SLITRK1: variants seen among roughly 807,000 people sequenced by gnomAD.
The protein encoded by SLITRK1 is SLIT and NTRK like family member 1.
Under a neutral mutation model 42.4 loss-of-function variants are expected in SLITRK1, and 10 were observed. The observed-to-expected ratio is 0.24, with a 90% CI of 0.15 to 0.40. The LOEUF is 0.40. SLITRK1 is among the 10% of genes least tolerant of loss of function. SLITRK1 has a pLI of 1.00. For synonymous variants in SLITRK1, 389 were observed against 365.7 expected (o/e 1.06, Z -0.73); for missense variants, 778 against 848.8 (o/e 0.92, Z 1.04).
rs980172227 is a variant in SLITRK1, at chr13:83,879,135, C to T, written c.*282G>A. On this transcript the variant is annotated 3_prime_UTR_variant, in exon 2 of 2. Coordinates refer to ENST00000674365, the MANE Select transcript of SLITRK1 (RefSeq NM_001281503.2). ...GAGGGCGAGGGCACTGTCAGTTCTT[C>T]CAGCAGGGTCGTGCTGGGCTTTCTG... 63 of 466,360 alleles carry T rather than the reference C, an allele frequency of 1.4e-4. No individual in the cohort carries two copies. Among genetic ancestry groups the T allele is most frequent in the African/African-American group, 1.1e-3 (57 of 50,928 alleles). 28.9% of individuals were successfully genotyped at this position (466,360 alleles called of 1,614,324 possible).
Position 83,880,853 on chromosome 13 carries a change from C to T in SLITRK1, c.655G>A (p.Asp219Asn). Reference sequence around the variant, plus strand: ...AGCCATTCTTTCAGGGAGAGCAGATCACAGGTGCAGTCCCAAGGGTTATCC... The same window carrying T: ...AGCCATTCTTTCAGGGAGAGCAGATTACAGGTGCAGTCCCAAGGGTTATCC... The part of the protein sequence containing the change: ...LEDNPWDCTC[D>N]LLSLKEWLEN... The change falls in exon 2 of 2, where the codon GAT (aspartate) becomes AAT (asparagine). Residue 219 changes from aspartate to asparagine, a missense_variant. By Grantham distance (23) the Asp-to-Asn change is conservative. Coordinates refer to ENST00000674365, the MANE Select transcript of SLITRK1 (RefSeq NM_001281503.2). 6.2e-7 allele frequency: 1 copy of T among 1,614,136 alleles called. No homozygotes were observed. Among genetic ancestry groups the T allele is most frequent in the Non-Finnish European group, 8.5e-7 (1 of 1,180,034 alleles).
chr13:83,881,117 C>A lies in SLITRK1; in HGVS notation c.391G>T (p.Asp131Tyr). 1 of 1,614,098 alleles carries A rather than the reference C, an allele frequency of 6.2e-7. No individual in the cohort carries two copies. The highest frequency in any genetic ancestry group is 8.5e-7 in the Non-Finnish European group (1 of 1,180,036). Residue 131 changes from aspartate to tyrosine, a missense_variant, in exon 2 of 2, where the codon GAT (aspartate) becomes TAT (tyrosine). Asp to Tyr is a radical substitution (Grantham distance 160). Coordinates refer to ENST00000674365, the MANE Select transcript of SLITRK1 (RefSeq NM_001281503.2). ...FRKQTFLGLD[D>Y]LEYLQADFNL... is the part of the protein sequence containing the mutation. ...AAATCAGCCTGGAGATATTCCAGATCGTCCAGCCCCAGAAAAGTCTGCTTT... is the reference window on the plus strand; with the variant it reads ...AAATCAGCCTGGAGATATTCCAGATAGTCCAGCCCCAGAAAAGTCTGCTTT...
In SLITRK1 at chr13:83,880,536, C is replaced by A. The variant is rs1467266519; in HGVS notation, c.972G>T (p.Ala324=). ...NWQIKIRPTA[A]IATGSSRNKP... is the part of the protein sequence containing the mutation. Reference sequence around the variant, plus strand: ...TGTTCCTGGAGCTACCCGTCGCTATCGCTGCTGTGGGTCTGATTTTGATCT... The same window carrying A: ...TGTTCCTGGAGCTACCCGTCGCTATAGCTGCTGTGGGTCTGATTTTGATCT... The change falls in exon 2 of 2, where the codon GCG becomes GCT. Residue 324 remains alanine, a synonymous_variant. Coordinates refer to ENST00000674365, the MANE Select transcript of SLITRK1 (RefSeq NM_001281503.2). 6.2e-7 allele frequency: 1 copy of A among 1,614,116 alleles called. No individual in the cohort carries two copies. The highest frequency in any genetic ancestry group is 1.1e-5 in the South Asian group (1 of 91,086).
At position 83,881,344 on chromosome 13, in the gene SLITRK1, G is replaced by C; in HGVS notation, c.164C>G (p.Ala55Gly). ...KGFTSLQRFT[A>G]PTSQFYHLFL... Reference sequence around the variant, plus strand: ...TAAATGGTAAAACTGGGAAGTCGGGGCAGTGAAACGCTGCAGACTTGTGAA... The same window carrying C: ...TAAATGGTAAAACTGGGAAGTCGGGCCAGTGAAACGCTGCAGACTTGTGAA... The change falls in exon 2 of 2, where the codon GCC becomes GGC. Residue 55 changes from alanine (A) to glycine (G), a missense_variant. Physicochemically the swap from Ala to Gly is moderately conservative, Grantham distance 60 (BLOSUM62 0). This residue lies in a region of SLITRK1 where 204 missense variants were observed against 295.3 expected (regional missense o/e 0.69). Coordinates refer to ENST00000674365, the MANE Select transcript of SLITRK1 (RefSeq NM_001281503.2). The C allele has an allele frequency of 6.2e-7, 1 of 1,614,158 alleles. No individual in the cohort carries two copies. Among genetic ancestry groups the C allele is most frequent in the African/African-American group, 1.3e-5 (1 of 75,026 alleles).
In SLITRK1 at chr13:83,881,439, A is replaced by G. The variant is rs536419290; in HGVS notation, c.69T>C (p.Val23=). 1.9e-6 allele frequency: 3 copies of G among 1,614,032 alleles called. No individual in the cohort carries two copies. The South Asian group carries it at 3.3e-5, about 18-fold the overall frequency. The change falls in exon 2 of 2, where the codon GTT becomes GTC. Residue 23 remains valine, a synonymous_variant. Coordinates refer to ENST00000674365, the MANE Select transcript of SLITRK1 (RefSeq NM_001281503.2). ...CFAAGNVTGD[V]CKEKICSCNE... ...TGCAGGAACAGATCTTCTCTTTGCAAACGTCCCCTGTAACGTTTCCAGCGG... is the reference window on the plus strand; with the variant it reads ...TGCAGGAACAGATCTTCTCTTTGCAGACGTCCCCTGTAACGTTTCCAGCGG...
At position 83,879,692 on chromosome 13, in the gene SLITRK1, A is replaced by G. The variant is rs1594117459; in HGVS notation, c.1816T>C (p.Ser606Pro). ...STGLAETGTH[S>P]NSYLDTSRVS... Reference sequence around the variant, plus strand: ...CTGCTGGTGTCTAGGTAGGAGTTGGAGTGCGTCCCGGTCTCCGCCAACCCA... The same window carrying G: ...CTGCTGGTGTCTAGGTAGGAGTTGGGGTGCGTCCCGGTCTCCGCCAACCCA... The change falls in exon 2 of 2, where the codon TCC (serine) becomes CCC (proline). Residue 606 changes from serine (S) to proline (P), a missense_variant. Physicochemically the swap from Ser to Pro is moderately conservative, Grantham distance 74. Coordinates refer to ENST00000674365, the MANE Select transcript of SLITRK1 (RefSeq NM_001281503.2). 9.9e-6 allele frequency: 16 copies of G among 1,613,898 alleles called. 1 individual carries two copies. The highest frequency in any genetic ancestry group is 2.2e-5 in the South Asian group (2 of 91,048).
Position 83,881,186 on chromosome 13 carries a change from C to T in SLITRK1, c.322G>A (p.Val108Met). Residue 108 changes from valine to methionine, a missense_variant, in exon 2 of 2, where the codon GTG becomes ATG. By Grantham distance (21) the Val-to-Met change is conservative (BLOSUM62 1). Transcript: ENST00000674365. ...VPGAFLGLQLVKRLHINNNKI... is the reference protein window; with the variant it reads ...VPGAFLGLQLMKRLHINNNKI... ...TTGTTGTTGATGTGCAGCCTTTTCA[C>T]CAGCTGCAGCCCCAGAAAAGCCCCC... 1.2e-6 allele frequency: 2 copies of T among 1,614,050 alleles called. No homozygotes were observed. Among genetic ancestry groups the T allele is most frequent in the Non-Finnish European group, 1.7e-6 (2 of 1,180,006 alleles).
Position 83,879,536 on chromosome 13 carries a change from C to T in SLITRK1, c.1972G>A (p.Ala658Thr), listed in dbSNP as rs1454656332. The change falls in exon 2 of 2, where the codon GCG (alanine) becomes ACG (threonine). Residue 658 changes from alanine to threonine, a missense_variant. Physicochemically the swap from Ala to Thr is moderately conservative, Grantham distance 58. This residue lies in a region of SLITRK1 where 164 missense variants were observed against 158.2 expected (regional missense o/e 1.04). Transcript: ENST00000674365. Reference sequence around the variant, plus strand: ...GTCTGTAGGGAATTAATCTCGGACGCGGAGGAGTTGGCATCTCGTCTCTTG... The same window carrying T: ...GTCTGTAGGGAATTAATCTCGGACGTGGAGGAGTTGGCATCTCGTCTCTTG... ...RSKRRDANSSASEINSLQTVC... is the reference protein window; with the variant it reads ...RSKRRDANSSTSEINSLQTVC... The T allele has an allele frequency of 1.9e-6, 3 of 1,613,928 alleles. No homozygotes were observed. Among genetic ancestry groups the T allele is most frequent in the African/African-American group, 1.3e-5 (1 of 74,906 alleles).
rs1349063301 is a variant in SLITRK1, at chr13:83,880,270, G to A, written c.1238C>T (p.Thr413Ile). Residue 413 changes from threonine to isoleucine, a missense_variant, in exon 2 of 2, where the codon ACT (threonine) becomes ATT (isoleucine). Coordinates refer to ENST00000674365, the MANE Select transcript of SLITRK1 (RefSeq NM_001281503.2). Reference protein sequence around the residue: ...LLDLGNNNIATVENNTFKNLL... With the variant: ...LLDLGNNNIAIVENNTFKNLL... ...GTTCTTGAAAGTGTTGTTCTCTACA[G>A]TAGCGATGTTATTGTTGCCCAGATC... 1.2e-6 allele frequency: 2 copies of A among 1,613,958 alleles called. No homozygotes were observed. The highest frequency in any genetic ancestry group is 1.3e-5 in the African/African-American group (1 of 74,888).
Position 83,878,303 on chromosome 13 carries a change from T to C in SLITRK1, c.*1114A>G, listed in dbSNP as rs180730354. ...CCATTATAAAATCCTCGAATAGAAT[T>C]AGTAAGTTTCACGTGCTTCCTCGGT... On this transcript the variant is annotated 3_prime_UTR_variant, in exon 2 of 2. Coordinates refer to ENST00000674365, the MANE Select transcript of SLITRK1 (RefSeq NM_001281503.2). 1.3e-5 allele frequency: 2 copies of C among 152,658 alleles called. 1 individual carries two copies. The highest frequency in any genetic ancestry group is 3.9e-4 in the East Asian group (2 of 5,160). 9.5% of individuals were successfully genotyped at this position (152,658 alleles called of 1,614,324 possible).
chr13:83,880,030 C>A lies in SLITRK1; in HGVS notation c.1478G>T (p.Gly493Val), dbSNP rs777400552. 1 of 1,613,950 alleles carries A rather than the reference C, an allele frequency of 6.2e-7. No homozygotes were observed. Among genetic ancestry groups the A allele is most frequent in the Admixed American group, 1.7e-5 (1 of 59,992 alleles). Residue 493 changes from glycine to valine, a missense_variant, in exon 2 of 2, where the codon GGG (glycine) becomes GTG (valine). Around this residue, in one of 4 missense-constraint regions of SLITRK1, gnomAD observed 395 missense variants for 360.4 expected, o/e 1.10. Coordinates refer to ENST00000674365, the MANE Select transcript of SLITRK1 (RefSeq NM_001281503.2). ...LRSLPVDVFAGVSLSKLSLHN... is the reference protein window; with the variant it reads ...LRSLPVDVFAVVSLSKLSLHN... ...CAGGCTGAGTTTAGAGAGCGAGACC[C>A]CAGCGAACACGTCCACAGGCAGGGA...
In SLITRK1 at chr13:83,879,554, G is replaced by C. The variant is rs774882620; in HGVS notation, c.1954C>G (p.Arg652Gly). The change falls in exon 2 of 2, where the codon CGA becomes GGA. Residue 652 changes from arginine (R) to glycine (G), a missense_variant. Around this residue, in one of 4 missense-constraint regions of SLITRK1, gnomAD observed 164 missense variants for 158.2 expected, o/e 1.04. Coordinates refer to ENST00000674365, the MANE Select transcript of SLITRK1 (RefSeq NM_001281503.2). ...TCGGACGCGGAGGAGTTGGCATCTC[G>C]TCTCTTGGACCGCTTTCGGTTCCTC... ...ILRNRKRSKRRDANSSASEIN... is the reference protein window; with the variant it reads ...ILRNRKRSKRGDANSSASEIN... 1.6e-5 allele frequency: 26 copies of C among 1,613,930 alleles called. No individual in the cohort carries two copies. Among genetic ancestry groups the C allele is most frequent in the African/African-American group, 5.3e-5 (4 of 74,884 alleles).
At position 83,879,449 on chromosome 13, in the gene SLITRK1, A is replaced by G. The variant is rs756572460; in HGVS notation, c.2059T>C (p.Tyr687His). The G allele has an allele frequency of 5.0e-6, 8 of 1,613,676 alleles. No homozygotes were observed. Among genetic ancestry groups the G allele is most frequent in the African/African-American group, 1.3e-5 (1 of 75,012 alleles). ...PYNADGAHRV[Y>H]DCGSHSLSD is the part of the protein sequence containing the mutation. ...GAGAGCGAGTGAGAGCCACAGTCAT[A>G]CACTCTGTGGGCCCCATCTGCGTTG... Residue 687 changes from tyrosine to histidine, a missense_variant, in exon 2 of 2, where the codon TAT (tyrosine) becomes CAT (histidine). By Grantham distance (83) the Tyr-to-His change is moderately conservative. Coordinates refer to ENST00000674365, the MANE Select transcript of SLITRK1 (RefSeq NM_001281503.2).
rs372988290 is a variant in SLITRK1, at chr13:83,879,553, C to A, written c.1955G>T (p.Arg652Leu). The change falls in exon 2 of 2, where the codon CGA becomes CTA. Residue 652 changes from arginine (R) to leucine (L), a missense_variant. Coordinates refer to ENST00000674365, the MANE Select transcript of SLITRK1 (RefSeq NM_001281503.2). Reference sequence around the variant, plus strand: ...CTCGGACGCGGAGGAGTTGGCATCTCGTCTCTTGGACCGCTTTCGGTTCCT... The same window carrying A: ...CTCGGACGCGGAGGAGTTGGCATCTAGTCTCTTGGACCGCTTTCGGTTCCT... ...ILRNRKRSKR[R>L]DANSSASEIN... 16 of 1,613,930 alleles carry A rather than the reference C, an allele frequency of 9.9e-6. No individual in the cohort carries two copies. Among genetic ancestry groups the A allele is most frequent in the African/African-American group, 4.0e-5 (3 of 74,882 alleles).
Position 83,878,708 on chromosome 13 carries a change from T to A in SLITRK1, c.*709A>T, listed in dbSNP as rs1244181446. 6.5e-6 allele frequency: 1 copy of A among 152,678 alleles called. No homozygotes were observed. Among genetic ancestry groups the A allele is most frequent in the Non-Finnish European group, 1.5e-5 (1 of 68,082 alleles). 9.5% of individuals were successfully genotyped at this position (152,678 alleles called of 1,614,324 possible). A position where few individuals can be genotyped will look rare whatever the true frequency, so the allele number is the denominator to read the frequency against. On this transcript the variant is annotated 3_prime_UTR_variant, in exon 2 of 2. Transcript: ENST00000674365. ...CCTTTACATTTTTTTCACAGTTAAC[T>A]TATGCTCTGAACTGCCTACCGATCA...
Position 83,879,981 on chromosome 13 carries a change from G to A in SLITRK1, c.1527C>T (p.Leu509=). The A allele has an allele frequency of 6.2e-7, 1 of 1,614,080 alleles. No individual in the cohort carries two copies. The highest frequency in any genetic ancestry group is 2.2e-5 in the East Asian group (1 of 44,860). The change falls in exon 2 of 2, where the codon CTC becomes CTT. Residue 509 remains leucine, a synonymous_variant. Transcript: ENST00000674365. ...LSLHNNYFMY[L]PVAGVLDQLT... is the part of the protein sequence containing the mutation. ...ACTGGTCCAGCACCCCTGCCACCGG[G>A]AGGTACATGAAGTAATTGTTGTGCA...
Position 83,878,326 on chromosome 13 carries a change from G to T in SLITRK1, c.*1091C>A, listed in dbSNP as rs1194433007. ...ATTAGTAAGTTTCACGTGCTTCCTC[G>T]GTTCTCTTTTCCTACTTTATAAGTA... On this transcript the variant is annotated 3_prime_UTR_variant, in exon 2 of 2. Transcript: ENST00000674365. 1 of 152,406 alleles carries T rather than the reference G, an allele frequency of 6.6e-6. No individual in the cohort carries two copies. The highest frequency in any genetic ancestry group is 1.5e-5 in the Non-Finnish European group (1 of 68,004). 9.4% of individuals were successfully genotyped at this position (152,406 alleles called of 1,614,324 possible).
Position 83,877,600 on chromosome 13 carries a change from G to C in SLITRK1, c.*1817C>G, listed in dbSNP as rs981460177. 9.4e-5 allele frequency: 14 copies of C among 149,438 alleles called. No individual in the cohort carries two copies. The highest frequency in any genetic ancestry group is 1.8e-4 in the Non-Finnish European group (12 of 67,554). 9.3% of individuals were successfully genotyped at this position (149,438 alleles called of 1,614,324 possible). ...CTGGGCCACAACCAGAAATCCGGAT[G>C]ATGGGAGAGAAACACTTCTTTAGGA... On this transcript the variant is annotated 3_prime_UTR_variant, in exon 2 of 2. Coordinates refer to ENST00000674365, the MANE Select transcript of SLITRK1 (RefSeq NM_001281503.2).
rs1884747754 is a variant in SLITRK1, at chr13:83,879,036, A to C, written c.*381T>G. On this transcript the variant is annotated 3_prime_UTR_variant, in exon 2 of 2. Transcript: ENST00000674365. ...ATCCACAGGGGAAAAATAGATATCT[A>C]TCTCTCTATATAGATGTGGATATAT... 1 of 204,260 alleles carries C rather than the reference A, an allele frequency of 4.9e-6. No homozygotes were observed. The highest frequency in any genetic ancestry group is 1.0e-5 in the Non-Finnish European group (1 of 99,264). 12.7% of individuals were successfully genotyped at this position (204,260 alleles called of 1,614,324 possible).
Sources: allele counts gnomAD v4.1 joint callset, GRCh38; gene constraint gnomAD v4.1.1; regional missense constraint gnomAD v4.1.1; transcripts MANE v1.5; gene names NCBI Gene and HGNC (gene_info 2026-07-23, HGNC 2026-07-21).